The following SLC19A1 variants were observed in gnomAD, a reference collection of about 807,000 sequenced individuals.
SLC19A1 encodes the protein solute carrier family 19 member 1, also known as reduced folate transporter.
In SLC19A1, 37 loss-of-function variants were observed where a neutral mutation model predicts 35.3. The observed-to-expected ratio is 1.05, with a 90% confidence interval of 0.81 to 1.38. The LOEUF is 1.38. Ranked by LOEUF, SLC19A1 falls within the 40% of genes most tolerant of loss-of-function variation. The probability of loss-of-function intolerance (pLI) is 0.00; values close to 1 mark genes in which losing one functional copy is unlikely to be tolerated. For synonymous variants in SLC19A1, 460 were observed against 398.5 expected (o/e 1.15, Z -1.84); for missense variants, 831 against 826.9 (o/e 1.00, Z -0.06).
downstream of SLC19A1, chr21:45,509,376 G>T: frequency 6.5e-7 from 1 of 1,543,872 alleles, no homozygotes; most frequent in Non-Finnish European, 8.7e-7. Context: ...TGGCCGCCTT[G>T]CAGCCCCCCG....
chr21:45,510,986 CCCACACACACAA>C (rs2037556301), downstream of SLC19A1: 5 of 36,074 alleles, frequency 1.4e-4, 1 homozygote, highest in African/African-American at 3.3e-4. Context: ...CCCCCCACAC[CCCACACACACAA>C]CACACCCCCC....
rs557054483 is a variant in SLC19A1, at chr21:45,505,421, C to G, written c.498-6809G>C. On this transcript the variant is annotated intron_variant, in intron 3 of 4. Transcript: ENST00000417954. ...CCTGGGCCCCCTGGAACCATGGGCG[C>G]CTCCTCAGGGGTAAGTGTCTGGGCA... The G allele has an allele frequency of 6.4e-6, 10 of 1,555,052 alleles. No individual in the cohort carries two copies. Among genetic ancestry groups the G allele is most frequent in the Admixed American group, 5.4e-5 (3 of 56,044 alleles).
chr21:45,546,664 A>T (rs1317022687), upstream of SLC19A1, among the ~76,000 whole-genome samples: 1 of 152,272 alleles, frequency 6.6e-6, no homozygotes, highest in Non-Finnish European at 1.5e-5. Context: ...AATGTCATCT[A>T]ACGAAAGAGT....
At chr21:45,557,124 A>G (rs2078571208) in intron 1 of SLC19A1, among the ~76,000 whole-genome samples, 1 of 152,142 alleles carries the variant, frequency 6.6e-6, no homozygotes, top group African/African-American at 2.4e-5. Context: ...TCCTTGCACA[A>G]TGGCACCCGC....
chr21:45,522,789 A>G (rs1045615871), intron 5 of SLC19A1, among the ~76,000 whole-genome samples: 3 of 152,292 alleles, frequency 2.0e-5, no homozygotes, highest in East Asian at 3.9e-4. Context: ...ACAAACTCAT[A>G]CAAGCGGAGA....
At chr21:45,560,037 G>A (rs184568271) in intron 1 of SLC19A1, among the ~76,000 whole-genome samples, 4 of 152,294 alleles carry the variant, frequency 2.6e-5, no homozygotes, top group East Asian at 3.9e-4. Context: ...AAGGCAGCAC[G>A]TCACACCCCC....
At chr21:45,525,191 G>A (rs1352241716) in intron 5 of SLC19A1, among the ~76,000 whole-genome samples, 1 of 152,196 alleles carries the variant, frequency 6.6e-6, no homozygotes, top group Non-Finnish European at 1.5e-5. Flanking sequence ...GCCCCAGGTG[G>A]ACAAAGCCCT....
chr21:45,521,563 C>G (rs1325773411), intron 5 of SLC19A1, among the ~76,000 whole-genome samples: 1 of 152,134 alleles, frequency 6.6e-6, no homozygotes, highest in Non-Finnish European at 1.5e-5. Flanking sequence ...ATAGTCAAAA[C>G]AATTTTGAAT....
At chr21:45,508,900 G>A (rs2037408654), downstream of SLC19A1, among the ~76,000 whole-genome samples, 2 of 152,186 alleles carry the variant, frequency 1.3e-5, no homozygotes, top group Admixed American at 1.3e-4. Flanking sequence ...GAGGGCCGTG[G>A]GGAAAGGTGC....
chr21:45,554,564 AG>A (rs2078523070), intron 1 of SLC19A1, among the ~76,000 whole-genome samples: 1 of 123,618 alleles, frequency 8.1e-6, no homozygotes, highest in Non-Finnish European at 1.7e-5. Context: ...AACCACGCAC[AG>A]GGGGCGTCCT....
intron 1 of SLC19A1, among the ~76,000 whole-genome samples, chr21:45,561,932 A>G (rs2078618670): frequency 6.6e-6 from 1 of 151,938 alleles, no homozygotes; most frequent in Non-Finnish European, 1.5e-5. Context: ...GGAGATCAAG[A>G]CAATCCTGGC....
chr21:45,512,124 G>T, downstream of SLC19A1: 1 of 1,539,618 alleles, frequency 6.5e-7, no homozygotes, highest in Non-Finnish European at 8.8e-7. Flanking sequence ...TCCTGCCCGG[G>T]GAGCGGCCTC....
Position 45,517,101 on chromosome 21 carries a change from G to A in SLC19A1, c.1294-961C>T, listed in dbSNP as rs2037990415. Among the ~76,000 whole-genome samples, 1 of 152,200 alleles carries A rather than the reference G, an allele frequency of 6.6e-6. No individual in the cohort carries two copies. Among genetic ancestry groups the A allele is most frequent in the African/African-American group, 2.4e-5 (1 of 41,462 alleles). On this transcript the variant is annotated intron_variant, in intron 5 of 5. Coordinates refer to ENST00000311124, the MANE Select transcript of SLC19A1 (RefSeq NM_194255.4). The surrounding 1 kb of genome is among the most constrained non-coding windows in gnomAD (Gnocchi z 4.4). ...ACTGGCCGGGCCCTCGGGGTCTGGG[G>A]AGCTGTGCCACGCAAGGACAGACTG... is the stretch of plus-strand genomic sequence containing the variant.
intron 3 of SLC19A1, chr21:45,503,783 T>TAAC (rs547575685): frequency 1.6e-4 from 37 of 236,814 alleles, no homozygotes; most frequent in Admixed American, 6.5e-4. Context: ...ACTTAAAGTA[T>TAAC]AATAATAAAT....
intron 3 of SLC19A1, 101 bp downstream of exon 3, chr21:45,531,288 G>C (rs1282826369): frequency 6.7e-5 from 98 of 1,464,412 alleles, no homozygotes; most frequent in Admixed American, 3.5e-4. Flanking sequence ...CATGGGGCAG[G>C]GGGCGGGAGA....
At chr21:45,532,435 A>G (rs145504486) in intron 2 of SLC19A1, among the ~76,000 whole-genome samples, 617 of 152,176 alleles carry the variant, frequency 4.1e-3, no homozygotes, top group Middle Eastern at 6.8e-3. Flanking sequence ...AAGCTTCTCT[A>G]TTTTTATCTC....
chr21:45,542,833 C>T (rs2078355971), upstream of SLC19A1, among the ~76,000 whole-genome samples: 1 of 151,476 alleles, frequency 6.6e-6, no homozygotes. Flanking sequence ...TCGACGAGGC[C>T]TTGTGCGTTT....
Position 45,540,429 on chromosome 21 carries a change from G to A in SLC19A1, c.-50+1939C>T. Among the ~76,000 whole-genome samples, 1 of 152,230 alleles carries A rather than the reference G, an allele frequency of 6.6e-6. No individual in the cohort carries two copies. The highest frequency in any genetic ancestry group is 1.9e-4 in the East Asian group (1 of 5,164). ...GGGCCCGGGAGCCCTGGGTACTTGGGCCCCCTGTTCTGAAAGGTGCCACCT... is the reference window on the plus strand; with the variant it reads ...GGGCCCGGGAGCCCTGGGTACTTGGACCCCCTGTTCTGAAAGGTGCCACCT... On this transcript the variant is annotated intron_variant, in intron 1 of 5. Transcript: ENST00000311124. This position sits in a 1 kb window ranked among gnomAD's most constrained non-coding sequence, Gnocchi z 5.5.
intron 2 of SLC19A1, 134 bp from the exon 3 acceptor site, chr21:45,532,282 C>T (rs776514331): frequency 4.4e-6 from 3 of 685,258 alleles, no homozygotes; most frequent in East Asian, 5.4e-5. Context: ...CTCCCCAACA[C>T]GCCCCTGTCC....
Sources: allele counts gnomAD v4.1 joint callset (sites outside exome capture counted in the v4.1 genomes callset), GRCh38; gene constraint gnomAD v4.1.1; non-coding constraint Gnocchi (gnomAD v3.1); transcripts MANE v1.5; gene names NCBI Gene and HGNC (gene_info 2026-07-23, HGNC 2026-07-21).